The following PAX2 variants were observed in gnomAD, a reference collection of about 807,000 sequenced individuals.
PAX2 encodes paired box protein Pax-2.
A neutral mutation model predicts 41.7 loss-of-function variants in PAX2; 9 were observed. The ratio of observed to expected loss-of-function variants is 0.22; its 90% confidence interval spans 0.13 to 0.38. The LOEUF (loss-of-function observed/expected upper bound fraction) is 0.38. PAX2 is among the 10% of genes least tolerant of loss of function. The pLI, the probability that PAX2 is intolerant of heterozygous loss-of-function variation, is 1.00. For synonymous variants in PAX2, 221 were observed against 212.7 expected (o/e 1.04, Z -0.34); for missense variants, 418 against 531.6 (o/e 0.79, Z 2.10).
chr10:100,758,727 TA>T (rs1278713879), intron 3 of PAX2, among the ~76,000 whole-genome samples: 2 of 152,168 alleles, frequency 1.3e-5, no homozygotes, highest in Admixed American at 1.3e-4. Flanking sequence ...GCTGACCGAA[TA>T]AAACTCAACT....
intron 3 of PAX2, among the ~76,000 whole-genome samples, chr10:100,752,137 G>A (rs2133839389): frequency 6.6e-6 from 1 of 152,338 alleles, no homozygotes; most frequent in East Asian, 1.9e-4. Flanking sequence ...CACTCGTGCT[G>A]TAATGTACTG....
Position 100,827,633 on chromosome 10 carries a change from C to T in PAX2, c.*14C>T, listed in dbSNP as rs1848627013. 1 of 1,614,038 alleles carries T rather than the reference C, an allele frequency of 6.2e-7. No individual in the cohort carries two copies. Among genetic ancestry groups the T allele is most frequent in the Non-Finnish European group, 8.5e-7 (1 of 1,179,954 alleles). On this transcript the variant is annotated 3_prime_UTR_variant, in exon 10 of 10. Transcript: ENST00000355243. This position sits in a 1 kb window ranked among gnomAD's most constrained non-coding sequence, Gnocchi z 8.5. ...GACCGCCACTAGTTACCGCGGGGAC[C>T]ACATCAAGCTTCAGGCCGACAGCTT...
chr10:100,742,688 G>A (rs970827362), upstream of PAX2, among the ~76,000 whole-genome samples: 4 of 152,062 alleles, frequency 2.6e-5, no homozygotes, highest in Non-Finnish European at 5.9e-5. Flanking sequence ...AGGTTGGGGG[G>A]TGGAAGGGCC....
chr10:100,827,796 C>A lies in PAX2; in HGVS notation c.*177C>A. 1 of 929,094 alleles carries A rather than the reference C, an allele frequency of 1.1e-6. No homozygotes were observed. Among genetic ancestry groups the A allele is most frequent in the Non-Finnish European group, 1.7e-6 (1 of 603,522 alleles). 57.6% of individuals were successfully genotyped at this position (929,094 alleles called of 1,614,324 possible). A position where few individuals can be genotyped will look rare whatever the true frequency, so the allele number is the denominator to read the frequency against. On this transcript the variant is annotated 3_prime_UTR_variant, in exon 10 of 10. Coordinates refer to ENST00000355243, the MANE Select transcript of PAX2 (RefSeq NM_000278.5). This position sits in a 1 kb window ranked among gnomAD's most constrained non-coding sequence, Gnocchi z 8.5. ...CCTTCACATCACCCCCCTCGAAGGTCGGACAGGACGGGTGGAGCCGTGGGC... is the reference window on the plus strand; with the variant it reads ...CCTTCACATCACCCCCCTCGAAGGTAGGACAGGACGGGTGGAGCCGTGGGC...
In PAX2 at chr10:100,828,656, C is replaced by G. The variant is rs1420883959; in HGVS notation, c.*1037C>G. On this transcript the variant is annotated 3_prime_UTR_variant, in exon 10 of 10. Coordinates refer to ENST00000355243, the MANE Select transcript of PAX2 (RefSeq NM_000278.5). The surrounding 1 kb of genome is among the most constrained non-coding windows in gnomAD (Gnocchi z 6.5). Reference sequence around the variant, plus strand: ...CCCCCGACACAGACTCTCAATCTGCCGGTGGTAAGAACCGGTTCTGAGCTG... The same window carrying G: ...CCCCCGACACAGACTCTCAATCTGCGGGTGGTAAGAACCGGTTCTGAGCTG... 4.3e-6 allele frequency: 1 copy of G among 233,328 alleles called. No homozygotes were observed. Among genetic ancestry groups the G allele is most frequent in the African/African-American group, 2.2e-5 (1 of 45,332 alleles). The allele number at this position is 233,328 out of a possible 1,614,324, so 14.5% of individuals were successfully genotyped here.
chr10:100,776,328 T>C (rs1212642853), intron 3 of PAX2, among the ~76,000 whole-genome samples: 1 of 152,252 alleles, frequency 6.6e-6, no homozygotes, highest in Non-Finnish European at 1.5e-5. Context: ...TCAAGGTCAC[T>C]AATGGCTACC....
chr10:100,768,097 T>C (rs969055450), intron 3 of PAX2, among the ~76,000 whole-genome samples: 3 of 148,826 alleles, frequency 2.0e-5, no homozygotes, highest in Admixed American at 1.4e-4. Flanking sequence ...AAAAACACGA[T>C]TGTGATGTGA....
At position 100,806,580 on chromosome 10, in the gene PAX2, C is replaced by T. The variant is rs776439019; in HGVS notation, c.767C>T (p.Ala256Val). The change falls in exon 6 of 10, where the codon GCA (alanine) becomes GTA (valine). Residue 256 changes from alanine to valine, a missense_variant. Transcript: ENST00000355243. Reference protein sequence around the residue: ...ERPSYPDVFQASEHIKSEQGN... With the variant: ...ERPSYPDVFQVSEHIKSEQGN... ...CCTTCCTACCCTGACGTCTTCCAGGCATCAGAGCACATCAAATCAGAACAG... is the reference window on the plus strand; with the variant it reads ...CCTTCCTACCCTGACGTCTTCCAGGTATCAGAGCACATCAAATCAGAACAG... 1.2e-6 allele frequency: 2 copies of T among 1,614,064 alleles called. No homozygotes were observed. The highest frequency in any genetic ancestry group is 1.1e-5 in the South Asian group (1 of 91,092).
intron 3 of PAX2, among the ~76,000 whole-genome samples, chr10:100,773,535 C>T (rs1398644542): frequency 6.6e-6 from 1 of 152,092 alleles, no homozygotes; most frequent in African/African-American, 2.4e-5. Context: ...AACCCTGAGG[C>T]GGACGGTGGA....
chr10:100,805,108 T>C, intron 5 of PAX2, among the ~76,000 whole-genome samples: 1 of 147,638 alleles, frequency 6.8e-6, no homozygotes, highest in East Asian at 2.0e-4. Context: ...CCAGAATAGA[T>C]ATGGAGGGAA....
Position 100,829,290 on chromosome 10 carries a change from C to T in PAX2, c.*1671C>T, listed in dbSNP as rs1398218596. ...TGTCTCTGTCTCTCTCCGTCTCTGT[C>T]GCTCTTGTCTGTCTGTCTCTGCTCT... On this transcript the variant is annotated 3_prime_UTR_variant, in exon 10 of 10. Coordinates refer to ENST00000355243, the MANE Select transcript of PAX2 (RefSeq NM_000278.5). The T allele has an allele frequency of 3.0e-5, 7 of 229,672 alleles. No homozygotes were observed. The highest frequency in any genetic ancestry group is 1.3e-4 in the African/African-American group (6 of 45,020). The allele number at this position is 229,672 out of a possible 1,614,324, so 14.2% of individuals were successfully genotyped here. A position where few individuals can be genotyped will look rare whatever the true frequency, so the allele number is the denominator to read the frequency against.
At chr10:100,779,475 A>G (rs1846522519) in intron 3 of PAX2, 23 bp from the exon 4 acceptor site, 1 of 1,565,238 alleles carries the variant, frequency 6.4e-7, no homozygotes, top group Non-Finnish European at 8.7e-7. Flanking sequence ...TTGATGTGTG[A>G]TGCTGTTGTG....
chr10:100,814,070 C>T (rs538987290), intron 7 of PAX2, among the ~76,000 whole-genome samples: 39 of 152,176 alleles, frequency 2.6e-4, no homozygotes, highest in African/African-American at 9.4e-4. Flanking sequence ...TCAAAGGGGC[C>T]GGGCGCGGTG....
At position 100,824,704 on chromosome 10, in the gene PAX2, G is replaced by A. The variant is rs375804552; in HGVS notation, c.976G>A (p.Gly326Ser). ...TTACCCCCCTCACGTGCCCCCCACT[G>A]GCCAGGGAAGCTACCCCACCTCCAC... Reference protein sequence around the residue: ...PGYPPHVPPTGQGSYPTSTLA... With the variant: ...PGYPPHVPPTSQGSYPTSTLA... The change falls in exon 8 of 10, where the codon GGC (glycine) becomes AGC (serine). Residue 326 changes from glycine to serine, a missense_variant. Coordinates refer to ENST00000355243, the MANE Select transcript of PAX2 (RefSeq NM_000278.5). The surrounding 1 kb of genome is among the most constrained non-coding windows in gnomAD (Gnocchi z 6.6). The A allele has an allele frequency of 1.6e-5, 26 of 1,610,546 alleles. No homozygotes were observed. The highest frequency in any genetic ancestry group is 2.7e-5 in the African/African-American group (2 of 74,790).
chr10:100,755,500 CA>C (rs1249157533), intron 3 of PAX2, among the ~76,000 whole-genome samples: 1 of 152,202 alleles, frequency 6.6e-6, no homozygotes, highest in Non-Finnish European at 1.5e-5. Flanking sequence ...CTCAATAAAA[CA>C]ATCACATCAA....
chr10:100,815,181 A>T (rs1848146278), intron 7 of PAX2, among the ~76,000 whole-genome samples: 1 of 152,170 alleles, frequency 6.6e-6, no homozygotes, highest in African/African-American at 2.4e-5. Flanking sequence ...ATGCAACTGC[A>T]TTTCCCTCCA....
chr10:100,819,207 C>T (rs2133974991), intron 7 of PAX2, among the ~76,000 whole-genome samples: 1 of 151,294 alleles, frequency 6.6e-6, no homozygotes, highest in African/African-American at 2.4e-5. Context: ...GAGATTGCAC[C>T]ACTGCACTCC....
Position 100,787,032 on chromosome 10 carries a change from A to T in PAX2, c.616+5667A>T, listed in dbSNP as rs771424389. On this transcript the variant is annotated intron_variant, in intron 5 of 9. Transcript: ENST00000355243. ...AAGAGGTATGAGGGCCAGAGGGAACATGGCGTGGGGGTCAAGGGAAATAGC... is the reference window on the plus strand; with the variant it reads ...AAGAGGTATGAGGGCCAGAGGGAACTTGGCGTGGGGGTCAAGGGAAATAGC... 2.2e-6 allele frequency: 3 copies of T among 1,341,376 alleles called. No individual in the cohort carries two copies. The African/African-American group carries it at 4.4e-5, about 20-fold the overall frequency. 83.1% of individuals were successfully genotyped at this position (1,341,376 alleles called of 1,614,324 possible).
At chr10:100,788,015 A>T (rs1317066951) in intron 5 of PAX2, among the ~76,000 whole-genome samples, 1 of 152,176 alleles carries the variant, frequency 6.6e-6, no homozygotes, top group African/African-American at 2.4e-5. Context: ...CCGTGGTGTC[A>T]CCGTGTGAGG....
Sources: gnomAD v4.1 joint callset for allele counts (sites outside exome capture counted in the v4.1 genomes callset) on GRCh38, gnomAD v4.1.1 for gene constraint, Gnocchi (gnomAD v3.1) non-coding constraint, MANE v1.5 for transcripts, NCBI Gene and HGNC (gene_info 2026-07-23, HGNC 2026-07-21) for gene names.